Variants in RPS19 observed in about 807,000 individuals in gnomAD.
RPS19 encodes small ribosomal subunit protein eS19.
Under a neutral mutation model 20.3 loss-of-function variants are expected in RPS19, and 1 was observed. The observed-to-expected ratio is 0.05, with a 90% confidence interval of 0.02 to 0.23. The LOEUF is 0.23. Among genes scored for constraint, RPS19 ranks in the 10% least tolerant of loss-of-function variants. RPS19 has a pLI of 1.00. For synonymous variants in RPS19, 87 were observed against 74.8 expected (o/e 1.16, Z -0.84); for missense variants, 111 against 192.7 (o/e 0.58, Z 2.51).
chr19:41,866,118 T>C (rs2074086461), intron 3 of RPS19, among the ~76,000 whole-genome samples: 1 of 151,684 alleles, frequency 6.6e-6, no homozygotes, highest in Non-Finnish European at 1.5e-5. Flanking sequence ...CCAGGTGTGG[T>C]GGCGTGTGCC....
Position 41,871,455 on chromosome 19 carries a change from C to A in RPS19, c.*78C>A. ...CTCTTTTTTGAGTCTCTTGCTCTGT[C>A]GCCCAGGCTGGAGTGCAGTGGCGCC... On this transcript the variant is annotated 3_prime_UTR_variant, in exon 6 of 6. Transcript: ENST00000598742. 1.5e-6 allele frequency: 2 copies of A among 1,348,354 alleles called. No individual in the cohort carries two copies. The highest frequency in any genetic ancestry group is 2.3e-5 in the South Asian group (2 of 85,194). 83.5% of individuals were successfully genotyped at this position (1,348,354 alleles called of 1,614,324 possible). A position where few individuals can be genotyped will look rare whatever the true frequency, so the allele number is the denominator to read the frequency against.
chr19:41,860,914 T>C, intron 2 of RPS19, 69 bp downstream of exon 2: 1 of 1,388,506 alleles, frequency 7.2e-7, no homozygotes, highest in Non-Finnish European at 1.0e-6. Context: ...TGAGCCCCAG[T>C]GTTTGCCGGT....
At chr19:41,866,274 A>G (rs2074089142) in intron 3 of RPS19, among the ~76,000 whole-genome samples, 1 of 152,176 alleles carries the variant, frequency 6.6e-6, no homozygotes, top group South Asian at 2.1e-4. Flanking sequence ...AAAGCAGGAT[A>G]ACAGGAAAAG....
intron 3 of RPS19, 94 bp from the exon 4 acceptor site, chr19:41,868,937 A>G: frequency 7.6e-7 from 1 of 1,310,546 alleles, no homozygotes; most frequent in Non-Finnish European, 1.1e-6. Context: ...TTCCCTTCTT[A>G]TAAAACAGTG....
At chr19:41,870,336 C>G (rs1385636338) in intron 5 of RPS19, among the ~76,000 whole-genome samples, 1 of 152,164 alleles carries the variant, frequency 6.6e-6, no homozygotes, top group Non-Finnish European at 1.5e-5. Context: ...CTCCCCCTCC[C>G]CAGGTCAGCC....
At chr19:41,864,981 A>G (rs548759028) in intron 3 of RPS19, 2 of 152,330 alleles carry the variant, frequency 1.3e-5, no homozygotes, top group African/African-American at 4.8e-5. Flanking sequence ...TCTCCCTTCT[A>G]GTGGGTCAGA....
rs782509791 is a variant in RPS19 at position 41,869,020 on chromosome 19, A to G, written c.173-11A>G. On this transcript the variant is annotated splice_polypyrimidine_tract_variant and intron_variant, in intron 3 of 5. Coordinates refer to ENST00000598742, the MANE Select transcript of RPS19 (RefSeq NM_001022.4). ...CAAGACCCTTAAATCTCCCTCTCAC[A>G]CTACCCCCAGCTTCCACAGCGCGGC... The G allele has an allele frequency of 2.3e-5, 37 of 1,613,396 alleles. No individual in the cohort carries two copies. Among genetic ancestry groups the G allele is most frequent in the Non-Finnish European group, 3.1e-5 (36 of 1,179,746 alleles).
In RPS19 at chr19:41,872,544, C is replaced by CT. The variant is rs2074160256; in HGVS notation, c.*1168dup. ...CAAGATGCCGTGGAGAGCCTTGGCT[C>CT]TGAGTAGCTCTGCTGCTGGACAGTT... On this transcript the variant is annotated 3_prime_UTR_variant, in exon 6 of 6. Transcript: ENST00000598742. 3 of 152,426 alleles carry CT rather than the reference C, an allele frequency of 2.0e-5. No individual in the cohort carries two copies. The highest frequency in any genetic ancestry group is 7.2e-5 in the African/African-American group (3 of 41,590). 9.4% of individuals were successfully genotyped at this position (152,426 alleles called of 1,614,324 possible).
intron 4 of RPS19, 152 bp downstream of exon 4, chr19:41,869,366 C>G (rs190190654): frequency 2.6e-6 from 2 of 762,798 alleles, no homozygotes; most frequent in Admixed American, 2.7e-5. Flanking sequence ...GCAAACAGCA[C>G]GGGGCCTCAC....
At position 41,870,848 on chromosome 19, in the gene RPS19, C is replaced by CTTTTT. The variant is rs2074139987; in HGVS notation, c.412-503_412-502insTTTTT. Among the ~76,000 whole-genome samples, 43 of 85,808 alleles carry CTTTTT rather than the reference C, an allele frequency of 5.0e-4. 8 individuals carry two copies. The highest frequency in any genetic ancestry group is 1.3e-3 in the South Asian group (3 of 2,314). The allele number at this position is 85,808 out of a possible 152,430, so 56.3% of individuals were successfully genotyped here. Reference sequence around the variant, plus strand: ...TTGGACTCCACTCCGCCACTCCCTTCCTTTTTTTTTTTTTTTTTTTTTTTT... The same window carrying CTTTTT: ...TTGGACTCCACTCCGCCACTCCCTTCTTTTTCTTTTTTTTTTTTTTTTTTTTTTTT... On this transcript the variant is annotated intron_variant, in intron 5 of 5. Coordinates refer to ENST00000598742, the MANE Select transcript of RPS19 (RefSeq NM_001022.4).
intron 3 of RPS19, chr19:41,865,048 AG>A (rs1357373599): frequency 2.6e-5 from 4 of 152,246 alleles, no homozygotes; most frequent in Non-Finnish European, 5.9e-5. Flanking sequence ...TATCTGACCA[AG>A]GTTCTCCATG....
chr19:41,860,687 G>C (rs1248737359), intron 1 of RPS19, 88 bp from the exon 2 acceptor site: 1 of 998,120 alleles, frequency 1.0e-6, no homozygotes, highest in African/African-American at 1.6e-5. Flanking sequence ...TTTAGGATGC[G>C]CTGGAGCGAA....
At chr19:41,869,792 C>A in intron 5 of RPS19, 39 bp downstream of exon 5, 2 of 1,600,922 alleles carry the variant, frequency 1.2e-6, no homozygotes. Context: ...GTCCCTTAGT[C>A]GCTGCCCAAG....
In RPS19 at chr19:41,871,388, G is replaced by C. The variant is rs782697844; in HGVS notation, c.*11G>C. 9 of 1,612,842 alleles carry C rather than the reference G, an allele frequency of 5.6e-6. No homozygotes were observed. The highest frequency in any genetic ancestry group is 6.8e-6 in the Non-Finnish European group (8 of 1,179,036). On this transcript the variant is annotated 3_prime_UTR_variant, in exon 6 of 6. Coordinates refer to ENST00000598742, the MANE Select transcript of RPS19 (RefSeq NM_001022.4). ...AACAAGAAGCATTAGAACAAACCAT[G>C]CTGGGTTAATAAATTGCCTCATTCG... is the stretch of plus-strand genomic sequence containing the variant.
intron 3 of RPS19, among the ~76,000 whole-genome samples, chr19:41,862,803 C>T (rs1555839554): frequency 1.3e-5 from 2 of 152,158 alleles, no homozygotes; most frequent in African/African-American, 4.8e-5. Context: ...CTTCTGCCTG[C>T]CTACTGATCT....
chr19:41,865,753 C>G (rs2074079605), intron 3 of RPS19, among the ~76,000 whole-genome samples: 1 of 150,590 alleles, frequency 6.6e-6, no homozygotes, highest in African/African-American at 2.5e-5. Context: ...TCGAGACCAT[C>G]CTGGCTAACA....
At position 41,872,164 on chromosome 19, in the gene RPS19, G is replaced by T. The variant is rs1408664063; in HGVS notation, c.*787G>T. Reference sequence around the variant, plus strand: ...CAGTCGTGCACGGCAAGTGGGATGTGGCCTCCGCCCATGATTGGGCACCTG... The same window carrying T: ...CAGTCGTGCACGGCAAGTGGGATGTTGCCTCCGCCCATGATTGGGCACCTG... On this transcript the variant is annotated 3_prime_UTR_variant, in exon 6 of 6. Transcript: ENST00000598742. The T allele has an allele frequency of 6.6e-6, 1 of 152,296 alleles. No individual in the cohort carries two copies. The highest frequency in any genetic ancestry group is 2.4e-5 in the African/African-American group (1 of 41,472). 9.4% of individuals were successfully genotyped at this position (152,296 alleles called of 1,614,324 possible). A position where few individuals can be genotyped will look rare whatever the true frequency, so the allele number is the denominator to read the frequency against.
chr19:41,865,949 TAAAAAAAAAA>T (rs35155067), intron 3 of RPS19, among the ~76,000 whole-genome samples: 41 of 74,522 alleles, frequency 5.5e-4, no homozygotes, highest in African/African-American at 1.7e-3. Flanking sequence ...ACTCCGTCTT[TAAAAAAAAAA>T]AAAAAAAAAA....
chr19:41,864,947 A>G (rs1273504438), intron 3 of RPS19: 1 of 152,212 alleles, frequency 6.6e-6, no homozygotes, highest in Non-Finnish European at 1.5e-5. Context: ...GCATTTTCCA[A>G]TTTGTGAAGT....
Sources: allele counts gnomAD v4.1 joint callset (sites outside exome capture counted in the v4.1 genomes callset), GRCh38; gene constraint gnomAD v4.1.1; transcripts MANE v1.5; gene names NCBI Gene and HGNC (gene_info 2026-07-23, HGNC 2026-07-21).